The following HLCS variants were observed in gnomAD, a reference collection of about 807,000 sequenced individuals.
HLCS encodes holocarboxylase synthetase.
Under a neutral mutation model 75.0 loss-of-function variants are expected in HLCS, and 53 were observed. The observed-to-expected ratio is 0.71, with a 90% CI of 0.57 to 0.89. The LOEUF (loss-of-function observed/expected upper bound fraction) is 0.89, where lower values mean the gene tolerates loss of function less well. HLCS is among the 40% of genes least tolerant of loss of function. The probability of loss-of-function intolerance (pLI) is 0.00; values close to 1 mark genes in which losing one functional copy is unlikely to be tolerated. For synonymous variants in HLCS, 431 were observed against 428.6 expected (o/e 1.01, Z -0.07); for missense variants, 966 against 1,074.0 (o/e 0.90, Z 1.41).
intron 5 of HLCS, among the ~76,000 whole-genome samples, chr21:36,916,573 T>C (rs2065943783): frequency 6.7e-6 from 1 of 149,496 alleles, no homozygotes; most frequent in Admixed American, 6.7e-5. Flanking sequence ...AGTCTCGCTG[T>C]GTTGCCCAAC....
chr21:36,764,574 G>A (rs1355125578), intron 8 of HLCS, among the ~76,000 whole-genome samples: 2 of 151,830 alleles, frequency 1.3e-5, no homozygotes, highest in Non-Finnish European at 2.9e-5. Flanking sequence ...GGGTGGTGGT[G>A]TGTACCTATG....
intron 6 of HLCS, among the ~76,000 whole-genome samples, chr21:36,778,174 T>A (rs2060420846): frequency 6.6e-6 from 1 of 152,126 alleles, no homozygotes; most frequent in Non-Finnish European, 1.5e-5. Context: ...TTTCACCATG[T>A]TAGCCAGGAT....
At chr21:36,959,127 C>T (rs1274597347) in intron 2 of HLCS, among the ~76,000 whole-genome samples, 1 of 152,226 alleles carries the variant, frequency 6.6e-6, no homozygotes, top group African/African-American at 2.4e-5. Context: ...TCCCTGCACT[C>T]TCAGGGGTCC....
At position 36,936,325 on chromosome 21, in the gene HLCS, T is replaced by C; in HGVS notation, c.1437+124A>G. On this transcript the variant is annotated intron_variant, in intron 4 of 10. Coordinates refer to ENST00000674895, the MANE Select transcript of HLCS (RefSeq NM_001352514.2). ...ATCAGCAAAAGCTCCCAGCCAATAGTCAAAAACAGCCCGCAGCACACGAAC... is the reference window on the plus strand; with the variant it reads ...ATCAGCAAAAGCTCCCAGCCAATAGCCAAAAACAGCCCGCAGCACACGAAC... The C allele has an allele frequency of 3.4e-6, 3 of 895,314 alleles. No individual in the cohort carries two copies. In the South Asian group the frequency reaches 4.0e-5, roughly 12 times the overall value. 55.5% of individuals were successfully genotyped at this position (895,314 alleles called of 1,614,324 possible).
intron 6 of HLCS, among the ~76,000 whole-genome samples, chr21:36,781,097 G>C (rs553812961): frequency 6.6e-6 from 1 of 151,964 alleles, no homozygotes; most frequent in Non-Finnish European, 1.5e-5. Flanking sequence ...GATTCTCATA[G>C]GAGCCCTACT....
In HLCS at chr21:36,767,299, G is replaced by A; in HGVS notation, c.1893-14C>T. The A allele has an allele frequency of 6.2e-7, 1 of 1,613,932 alleles. No homozygotes were observed. The highest frequency in any genetic ancestry group is 1.3e-5 in the African/African-American group (1 of 75,022). On this transcript the variant is annotated splice_polypyrimidine_tract_variant and intron_variant, in intron 6 of 10. Transcript: ENST00000674895. ...TGAAACATCAGCCTGCCGAAGAGGG[G>A]GAAAGACCGGTTAGGCCAGACATGG...
At chr21:36,973,227 CTTT>C (rs11327894) in intron 1 of HLCS, among the ~76,000 whole-genome samples, 16,681 of 90,938 alleles carry the variant, frequency 0.18, 1,094 homozygotes, top group East Asian at 0.35. Context: ...AAGACCCTGT[CTTT>C]TTTTTTTTTT....
At chr21:36,985,699 G>A (rs1392627898) in intron 1 of HLCS, among the ~76,000 whole-genome samples, 1 of 152,062 alleles carries the variant, frequency 6.6e-6, no homozygotes, top group South Asian at 2.1e-4. Flanking sequence ...CTGGGAGGTG[G>A]AGGTTGCAGT....
intron 6 of HLCS, among the ~76,000 whole-genome samples, chr21:36,802,278 T>C (rs1462510004): frequency 6.6e-6 from 1 of 152,154 alleles, no homozygotes; most frequent in Non-Finnish European, 1.5e-5. Context: ...GAGAATCTCA[T>C]GGGCCAGGCC....
intron 10 of HLCS, among the ~76,000 whole-genome samples, chr21:36,756,320 C>G (rs1330423918): frequency 1.3e-5 from 2 of 151,834 alleles, no homozygotes; most frequent in African/African-American, 4.8e-5. Context: ...CACCTGTAGT[C>G]CCAGCTACTC....
intron 9 of HLCS, among the ~76,000 whole-genome samples, chr21:36,758,837 G>C (rs532399144): frequency 6.6e-6 from 1 of 152,234 alleles, no homozygotes; most frequent in African/African-American, 2.4e-5. Flanking sequence ...AAAAAAATTA[G>C]CTGGGTGTGG....
At chr21:36,810,907 A>C (rs2061492014) in intron 6 of HLCS, among the ~76,000 whole-genome samples, 1 of 152,216 alleles carries the variant, frequency 6.6e-6, no homozygotes, top group Non-Finnish European at 1.5e-5. Context: ...CCTACTTTTC[A>C]AACCAAATCT....
At position 36,966,437 on chromosome 21, in the gene HLCS, C is replaced by CGCCCA. The variant is rs1388707603; in HGVS notation, c.195+2_195+6dup. 7.1e-5 allele frequency: 66 copies of CGCCCA among 931,836 alleles called. No individual in the cohort carries two copies. Among genetic ancestry groups the CGCCCA allele is most frequent in the Non-Finnish European group, 7.9e-5 (62 of 781,742 alleles). 57.7% of individuals were successfully genotyped at this position (931,836 alleles called of 1,614,324 possible). On this transcript the variant is annotated splice_region_variant and intron_variant, in intron 1 of 10. Coordinates refer to ENST00000674895, the MANE Select transcript of HLCS (RefSeq NM_001352514.2). ...GCCCGGGTCGCCCGCCCGCCCGACC[C>CGCCCA]GCCCACCTGGCTGTCGCTGACGCAG...
chr21:36,828,079 C>A (rs1601420565), intron 6 of HLCS, among the ~76,000 whole-genome samples: 1 of 152,234 alleles, frequency 6.6e-6, no homozygotes, highest in East Asian at 1.9e-4. Flanking sequence ...CCCCAAAGTG[C>A]TGGGATTACA....
chr21:36,761,185 T>G (rs2089827663), intron 8 of HLCS, among the ~76,000 whole-genome samples: 1 of 152,164 alleles, frequency 6.6e-6, no homozygotes, highest in Non-Finnish European at 1.5e-5. Context: ...AAACGGAAGC[T>G]TAGAGAAATT....
At chr21:36,876,372 C>T (rs910046084) in intron 6 of HLCS, among the ~76,000 whole-genome samples, 2 of 152,252 alleles carry the variant, frequency 1.3e-5, no homozygotes, top group East Asian at 1.9e-4. Flanking sequence ...TGAGCTTGTA[C>T]CAAATTCGTA....
Position 36,919,307 on chromosome 21 carries a change from G to GA in HLCS, c.1620+10943dup, listed in dbSNP as rs533150383. ...GTAAAGTTCAACAGTTACTTTGAAA[G>GA]AAAAAAAGTTTTCTTAAATATAAGA... is the stretch of plus-strand genomic sequence containing the variant. On this transcript the variant is annotated intron_variant, in intron 5 of 10. Transcript: ENST00000674895. Among the ~76,000 whole-genome samples the GA allele has an allele frequency of 8.5e-5, 13 of 152,240 alleles. 1 individual carries two copies. The East Asian group carries it at 1.5e-3, about 18-fold the overall frequency.
chr21:36,977,844 C>T lies in HLCS; in HGVS notation c.-393+12314G>A, dbSNP rs369895839. Among the ~76,000 whole-genome samples, 22 of 152,064 alleles carry T rather than the reference C, an allele frequency of 1.4e-4. No homozygotes were observed. In the South Asian group the frequency reaches 1.9e-3, roughly 13 times the overall value. On this transcript the variant is annotated intron_variant, in intron 1 of 11. Transcript: ENST00000336648. The stretch of plus-strand genomic sequence containing the variant: ...TGGGCGGGTTCACAGAGAACAGCCA[C>T]ACAGGCTAAGAGTGCAGACTATTGT...
At position 36,834,619 on chromosome 21, in the gene HLCS, G is replaced by A. The variant is rs377446272; in HGVS notation, c.1892+62241C>T. Among the ~76,000 whole-genome samples the A allele has an allele frequency of 1.3e-3, 191 of 152,296 alleles. 2 individuals carry two copies. Among genetic ancestry groups the A allele is most frequent in the African/African-American group, 4.4e-3 (181 of 41,558 alleles). On this transcript the variant is annotated intron_variant, in intron 6 of 10. Coordinates refer to ENST00000674895, the MANE Select transcript of HLCS (RefSeq NM_001352514.2). ...TCGCCAGGCTGGAGTGCAGTGGCAC[G>A]ATCTTGGCTCACTGCAACCTCTGCC...
Sources: allele counts gnomAD v4.1 joint callset (sites outside exome capture counted in the v4.1 genomes callset), GRCh38; gene constraint gnomAD v4.1.1; transcripts MANE v1.5; gene names NCBI Gene and HGNC (gene_info 2026-07-23, HGNC 2026-07-21).